MAP3K10: variants seen among roughly 807,000 people sequenced by gnomAD.
MAP3K10 encodes MKN28 derived nonreceptor_type serine/threonine kinase.
MAP3K10 carries 22 observed loss-of-function variants against 75.0 expected under a neutral mutation model. That is an observed-to-expected ratio of 0.29 (90% CI 0.21 to 0.42). The LOEUF (loss-of-function observed/expected upper bound fraction) is 0.42, where lower values mean the gene tolerates loss of function less well. Ranked by LOEUF, MAP3K10 falls within the 10% of genes least tolerant of loss-of-function variation. The probability of loss-of-function intolerance (pLI) is 1.00; values close to 1 mark genes in which losing one functional copy is unlikely to be tolerated. For synonymous variants in MAP3K10, 599 were observed against 612.9 expected (o/e 0.98, Z 0.34); for missense variants, 1,165 against 1,379.8 (o/e 0.84, Z 2.47).
Position 40,198,317 on chromosome 19 carries a change from C to T in MAP3K10, c.683-58C>T. ...TTCTAGCTGAGGCAGCGGGCCAGAACACTTGGGTCTGCGGCGTGGCAGGTC... is the reference window on the plus strand; with the variant it reads ...TTCTAGCTGAGGCAGCGGGCCAGAATACTTGGGTCTGCGGCGTGGCAGGTC... On this transcript the variant is annotated intron_variant, in intron 1 of 9. Coordinates refer to ENST00000253055, the MANE Select transcript of MAP3K10 (RefSeq NM_002446.4). The surrounding 1 kb of genome is among the most constrained non-coding windows in gnomAD (Gnocchi z 4.3). 6.6e-7 allele frequency: 1 copy of T among 1,524,064 alleles called. No homozygotes were observed. The highest frequency in any genetic ancestry group is 8.9e-7 in the Non-Finnish European group (1 of 1,120,980). The allele number at this position is 1,524,064 out of a possible 1,614,324, so 94.4% of individuals were successfully genotyped here.
Position 40,207,689 on chromosome 19 carries a change from C to T in MAP3K10, c.1436-1414C>T, listed in dbSNP as rs578206934. 7.2e-5 allele frequency among the ~76,000 whole-genome samples: 11 copies of T among 152,106 alleles called. No homozygotes were observed. The East Asian group carries it at 9.7e-4, about 13-fold the overall frequency. ...GGCAGAGGTTGCAGTGAGCCGAGAT[C>T]GCGCCATTGTACTCCAGCCTGGGCG... is the stretch of plus-strand genomic sequence containing the variant. On this transcript the variant is annotated intron_variant, in intron 5 of 9. Coordinates refer to ENST00000253055, the MANE Select transcript of MAP3K10 (RefSeq NM_002446.4).
chr19:40,194,133 G>A (rs565867872), intron 1 of MAP3K10, among the ~76,000 whole-genome samples: 2 of 152,214 alleles, frequency 1.3e-5, no homozygotes, highest in African/African-American at 2.4e-5. Flanking sequence ...GGCCGACGTG[G>A]GTGCATCACC....
At position 40,213,172 on chromosome 19, in the gene MAP3K10, C is replaced by G; in HGVS notation, c.1821C>G (p.Ala607=). The stretch of plus-strand genomic sequence containing the variant: ...ACACACCCATCGCCCCTGGCTTTGC[C>G]AGCCTCAATGAGATGGGTAAGAGCC... ...PKHTPIAPGF[A]SLNEMEEFAE... is the part of the protein sequence containing the mutation. The change falls in exon 8 of 10, where the codon GCC becomes GCG. Residue 607 remains alanine, a synonymous_variant. Coordinates refer to ENST00000253055, the MANE Select transcript of MAP3K10 (RefSeq NM_002446.4). The surrounding 1 kb of genome is among the most constrained non-coding windows in gnomAD (Gnocchi z 5.7). The G allele has an allele frequency of 6.3e-7, 1 of 1,581,202 alleles. No homozygotes were observed. The highest frequency in any genetic ancestry group is 8.6e-7 in the Non-Finnish European group (1 of 1,164,336).
chr19:40,206,307 CT>C, intron 5 of MAP3K10, 150 bp downstream of exon 5: 2 of 921,240 alleles, frequency 2.2e-6, no homozygotes, highest in Non-Finnish European at 3.0e-6. Context: ...GTGGCGAGCA[CT>C]TGTAGTCCCA....
At chr19:40,207,884 A>C (rs1197689894) in intron 5 of MAP3K10, among the ~76,000 whole-genome samples, 1 of 152,098 alleles carries the variant, frequency 6.6e-6, no homozygotes, top group Non-Finnish European at 1.5e-5. Flanking sequence ...TTGGACAGTA[A>C]ATTTTCATTA....
rs752320811 is a variant in MAP3K10, at chr19:40,192,247, C to T, written c.216C>T (p.Pro72=). The change falls in exon 1 of 10, where the codon CCC becomes CCT. Residue 72 remains proline, a synonymous_variant. Coordinates refer to ENST00000253055, the MANE Select transcript of MAP3K10 (RefSeq NM_002446.4). This position sits in a 1 kb window ranked among gnomAD's most constrained non-coding sequence, Gnocchi z 7.1. ...CCAGCGGCCGCGTGGGCGTCTTCCCCAGCAACTACGTGGCCCCCGGCGCCC... is the reference window on the plus strand; with the variant it reads ...CCAGCGGCCGCGTGGGCGTCTTCCCTAGCAACTACGTGGCCCCCGGCGCCC... ...QLPSGRVGVF[P]SNYVAPGAPA... The T allele has an allele frequency of 9.4e-6, 15 of 1,603,894 alleles. No individual in the cohort carries two copies. Among genetic ancestry groups the T allele is most frequent in the African/African-American group, 2.7e-5 (2 of 74,820 alleles).
In MAP3K10 at chr19:40,213,756, G is replaced by C; in HGVS notation, c.2077G>C (p.Glu693Gln). ...GAVGLGADVA[E>Q]ARAADGEEQR... ...TGTGGGCCTGGGCGCCGACGTGGCCGAGGCGCGCGCGGCCGACGGTGAGGA... is the reference window on the plus strand; with the variant it reads ...TGTGGGCCTGGGCGCCGACGTGGCCCAGGCGCGCGCGGCCGACGGTGAGGA... Residue 693 changes from glutamate (E) to glutamine (Q), a missense_variant, in exon 9 of 10, where the codon GAG (glutamate) becomes CAG (glutamine). Coordinates refer to ENST00000253055, the MANE Select transcript of MAP3K10 (RefSeq NM_002446.4). This position sits in a 1 kb window ranked among gnomAD's most constrained non-coding sequence, Gnocchi z 5.7. 1.8e-6 allele frequency: 2 copies of C among 1,107,020 alleles called. No individual in the cohort carries two copies. Among genetic ancestry groups the C allele is most frequent in the Non-Finnish European group, 2.2e-6 (2 of 906,398 alleles). The allele number at this position is 1,107,020 out of a possible 1,614,324, so 68.6% of individuals were successfully genotyped here.
At chr19:40,206,600 A>G (rs1973127914) in intron 5 of MAP3K10, among the ~76,000 whole-genome samples, 1 of 151,954 alleles carries the variant, frequency 6.6e-6, no homozygotes, top group Admixed American at 6.6e-5. Context: ...AGAAAAAAAG[A>G]AAATGACCAA....
chr19:40,197,967 G>A (rs1972941541), intron 1 of MAP3K10, among the ~76,000 whole-genome samples: 1 of 152,140 alleles, frequency 6.6e-6, no homozygotes, highest in Non-Finnish European at 1.5e-5. Flanking sequence ...AAGTGGCTGG[G>A]ACTGTAGGCA....
chr19:40,214,309 T>C (rs1973308935), intron 9 of MAP3K10, 88 bp downstream of exon 9: 20 of 1,318,520 alleles, frequency 1.5e-5, no homozygotes, highest in Non-Finnish European at 1.9e-5. Context: ...CCACGACCCC[T>C]CAGGCAGCCA....
At position 40,205,111 on chromosome 19, in the gene MAP3K10, C is replaced by T. The variant is rs1973093058; in HGVS notation, c.1013-10C>T. On this transcript the variant is annotated splice_polypyrimidine_tract_variant and intron_variant, in intron 3 of 9. Transcript: ENST00000253055. The surrounding 1 kb of genome is among the most constrained non-coding windows in gnomAD (Gnocchi z 4.3). Reference sequence around the variant, plus strand: ...ATGCCCCACCACTGTCCTTCCTCCTCCCACCCCAGAATGCTGGGACCCAGA... The same window carrying T: ...ATGCCCCACCACTGTCCTTCCTCCTTCCACCCCAGAATGCTGGGACCCAGA... 5 of 1,612,204 alleles carry T rather than the reference C, an allele frequency of 3.1e-6. No individual in the cohort carries two copies. Among genetic ancestry groups the T allele is most frequent in the Non-Finnish European group, 4.2e-6 (5 of 1,179,786 alleles).
In MAP3K10 at chr19:40,198,623, G is replaced by A; in HGVS notation, c.863+68G>A. 6.9e-7 allele frequency: 1 copy of A among 1,449,950 alleles called. No homozygotes were observed. The highest frequency in any genetic ancestry group is 9.3e-7 in the Non-Finnish European group (1 of 1,070,196). 89.8% of individuals were successfully genotyped at this position (1,449,950 alleles called of 1,614,324 possible). A position where few individuals can be genotyped will look rare whatever the true frequency, so the allele number is the denominator to read the frequency against. On this transcript the variant is annotated intron_variant, in intron 2 of 9. Coordinates refer to ENST00000253055, the MANE Select transcript of MAP3K10 (RefSeq NM_002446.4). This position sits in a 1 kb window ranked among gnomAD's most constrained non-coding sequence, Gnocchi z 4.3. ...AGGGAGGAAGGGGTGAGGGCAGAGT[G>A]GGAGGGAGGGTCTCCTGCTGAAGCC...
Position 40,191,853 on chromosome 19 carries a change from A to G in MAP3K10, c.-179A>G. On this transcript the variant is annotated 5_prime_UTR_variant, in exon 1 of 10. Transcript: ENST00000253055. The stretch of plus-strand genomic sequence containing the variant: ...CCGTACAGCCAAATCGGAAGGGACG[A>G]GCCTGCCCTTTGAAAGGGTTTTTTT... The G allele has an allele frequency of 6.1e-6, 1 of 164,290 alleles. No homozygotes were observed. The highest frequency in any genetic ancestry group is 9.9e-5 in the South Asian group (1 of 10,118). 10.2% of individuals were successfully genotyped at this position (164,290 alleles called of 1,614,324 possible).
In MAP3K10 at chr19:40,214,150, G is replaced by A; in HGVS notation, c.2471G>A (p.Gly824Glu). ...HVTAACAVSR[G>E]HRRTPSDGAL... ...ACGGCTGCATGCGCTGTGAGCCGCG[G>A]GCACCGGCGGACGCCATCGGACGGG... Residue 824 changes from glycine (G) to glutamate (E), a missense_variant, in exon 9 of 10, where the codon GGG (glycine) becomes GAG (glutamate). Coordinates refer to ENST00000253055, the MANE Select transcript of MAP3K10 (RefSeq NM_002446.4). The A allele has an allele frequency of 3.9e-6, 6 of 1,536,088 alleles. No individual in the cohort carries two copies. Among genetic ancestry groups the A allele is most frequent in the Non-Finnish European group, 5.2e-6 (6 of 1,150,246 alleles).
chr19:40,213,328 G>C lies in MAP3K10; in HGVS notation c.1837+140G>C. 1 of 1,452,532 alleles carries C rather than the reference G, an allele frequency of 6.9e-7. No homozygotes were observed. Among genetic ancestry groups the C allele is most frequent in the South Asian group, 1.4e-5 (1 of 69,640 alleles). 90.0% of individuals were successfully genotyped at this position (1,452,532 alleles called of 1,614,324 possible). On this transcript the variant is annotated intron_variant, in intron 8 of 9. Transcript: ENST00000253055. The surrounding 1 kb of genome is among the most constrained non-coding windows in gnomAD (Gnocchi z 5.7). ...GGGAAGGGAGATGGTGGCCCCTGGGGCGTGGGGGGTCATTTCCAGGGGCAG... is the reference window on the plus strand; with the variant it reads ...GGGAAGGGAGATGGTGGCCCCTGGGCCGTGGGGGGTCATTTCCAGGGGCAG...
chr19:40,215,200 C>A lies in MAP3K10; in HGVS notation c.2773C>A (p.Pro925Thr). 1 of 1,583,544 alleles carries A rather than the reference C, an allele frequency of 6.3e-7. No individual in the cohort carries two copies. The highest frequency in any genetic ancestry group is 8.6e-7 in the Non-Finnish European group (1 of 1,165,764). Reference sequence around the variant, plus strand: ...AGACACTCCGGAGAGCCCTGGGCCCCCCAGCGTGCAGCCCACACTGCTGGA... The same window carrying A: ...AGACACTCCGGAGAGCCCTGGGCCCACCAGCGTGCAGCCCACACTGCTGGA... ...RPDTPESPGP[P>T]SVQPTLLDMD... Residue 925 changes from proline (P) to threonine (T), a missense_variant, in exon 10 of 10, where the codon CCC becomes ACC. This residue lies in a region of MAP3K10 where 590 missense variants were observed against 586.6 expected (regional missense o/e 1.01). Coordinates refer to ENST00000253055, the MANE Select transcript of MAP3K10 (RefSeq NM_002446.4).
chr19:40,213,609 C>A lies in MAP3K10; in HGVS notation c.1930C>A (p.Pro644Thr). The change falls in exon 9 of 10, where the codon CCC (proline) becomes ACC (threonine). Residue 644 changes from proline to threonine, a missense_variant. Coordinates refer to ENST00000253055, the MANE Select transcript of MAP3K10 (RefSeq NM_002446.4). The surrounding 1 kb of genome is among the most constrained non-coding windows in gnomAD (Gnocchi z 5.7). ...SYLSVPLPAEPSPGARAPWEP... is the reference protein window; with the variant it reads ...SYLSVPLPAETSPGARAPWEP... Reference sequence around the variant, plus strand: ...CCTCTCAGTGCCACTGCCTGCCGAGCCCTCCCCGGGGGCGCGGGCGCCGTG... The same window carrying A: ...CCTCTCAGTGCCACTGCCTGCCGAGACCTCCCCGGGGGCGCGGGCGCCGTG... 6.3e-7 allele frequency: 1 copy of A among 1,585,752 alleles called. No individual in the cohort carries two copies. The highest frequency in any genetic ancestry group is 8.6e-7 in the Non-Finnish European group (1 of 1,167,770).
chr19:40,205,951 A>G lies in MAP3K10; in HGVS notation c.1229A>G (p.Gln410Arg), dbSNP rs895664482. 1 of 1,602,168 alleles carries G rather than the reference A, an allele frequency of 6.2e-7. No individual in the cohort carries two copies. Among genetic ancestry groups the G allele is most frequent in the African/African-American group, 1.3e-5 (1 of 74,760 alleles). ...GAGGAGGAGCTGCTGCGGGCGGCACAGGAGCAGCGCTTCCAGGAGGAGCAG... is the reference window on the plus strand; with the variant it reads ...GAGGAGGAGCTGCTGCGGGCGGCACGGGAGCAGCGCTTCCAGGAGGAGCAG... ...SREEELLRAAQEQRFQEEQLR... is the reference protein window; with the variant it reads ...SREEELLRAAREQRFQEEQLR... The change falls in exon 5 of 10, where the codon CAG becomes CGG. Residue 410 changes from glutamine (Q) to arginine (R), a missense_variant. Physicochemically the swap from Gln to Arg is conservative, Grantham distance 43. Transcript: ENST00000253055. The surrounding 1 kb of genome is among the most constrained non-coding windows in gnomAD (Gnocchi z 4.3).
intron 9 of MAP3K10, 100 bp from the exon 10 acceptor site, chr19:40,214,870 G>A (rs1009669003): frequency 2.6e-5 from 17 of 649,882 alleles, no homozygotes; most frequent in East Asian, 1.3e-4. Context: ...CGGATTTCTC[G>A]AGAGAAACCA....
Sources: allele counts gnomAD v4.1 joint callset (sites outside exome capture counted in the v4.1 genomes callset), GRCh38; gene constraint gnomAD v4.1.1; regional missense constraint gnomAD v4.1.1; non-coding constraint Gnocchi (gnomAD v3.1); transcripts MANE v1.5; gene names NCBI Gene and HGNC (gene_info 2026-07-23, HGNC 2026-07-21).